The following VAV2 variants were observed in gnomAD, a reference collection of about 807,000 sequenced individuals.
VAV2 encodes the protein vav guanine nucleotide exchange factor 2, also known as guanine nucleotide exchange factor VAV2.
A neutral mutation model predicts 132.5 loss-of-function variants in VAV2; 67 were observed. That is an observed-to-expected ratio of 0.51 (90% CI 0.42 to 0.62). The LOEUF (loss-of-function observed/expected upper bound fraction) is 0.62, where lower values mean the gene tolerates loss of function less well. Among genes scored for constraint, VAV2 ranks in the 20% least tolerant of loss-of-function variants. The probability of loss-of-function intolerance (pLI) is 0.00; values close to 1 mark genes in which losing one functional copy is unlikely to be tolerated. For missense variants in VAV2, 938 were observed against 1,153.6 expected (o/e 0.81, Z 2.71); for synonymous variants, 492 against 443.5 (o/e 1.11, Z -1.37).
intron 9 of VAV2, among the ~76,000 whole-genome samples, chr9:133,798,346 G>A (rs1022234475): frequency 4.6e-5 from 7 of 152,104 alleles, no homozygotes; most frequent in Admixed American, 1.3e-4. Flanking sequence ...TGACAGCCCC[G>A]TCTTCAGGGA....
chr9:133,767,691 C>T (rs767554018), intron 29 of VAV2, among the ~76,000 whole-genome samples: 15 of 152,290 alleles, frequency 9.8e-5, no homozygotes, highest in South Asian at 2.1e-4. Flanking sequence ...AGAGCTGCTC[C>T]GGCCACTGGA....
chr9:133,791,860 T>A lies in VAV2; in HGVS notation c.1111A>T (p.Met371Leu), dbSNP rs1176170688. 6.2e-7 allele frequency: 1 copy of A among 1,604,626 alleles called. No individual in the cohort carries two copies. The highest frequency in any genetic ancestry group is 1.4e-5 in the African/African-American group (1 of 72,394). Reference protein sequence around the residue: ...EALEAMQDLAMYINEVKRDKE... With the variant: ...EALEAMQDLALYINEVKRDKE... ...TCCCGTTTAACTTCATTGATGTACA[T>A]CGCCAAGTCCTTGAAAACAAGAGGC... The change falls in exon 13 of 30, where the codon ATG becomes TTG. Residue 371 changes from methionine (M) to leucine (L), a missense_variant. Met to Leu is a conservative substitution (Grantham distance 15, BLOSUM62 2). Coordinates refer to ENST00000371850, the MANE Select transcript of VAV2 (RefSeq NM_001134398.2).
intron 2 of VAV2, among the ~76,000 whole-genome samples, chr9:133,871,409 G>T (rs1363444062): frequency 6.6e-6 from 1 of 151,026 alleles, no homozygotes; most frequent in Non-Finnish European, 1.5e-5. Flanking sequence ...CGGACGGATG[G>T]ATGGATGGAT....
rs189481886 is a variant in VAV2 at position 133,957,667 on chromosome 9, C to T, written c.205-18448G>A. Among the ~76,000 whole-genome samples the T allele has an allele frequency of 6.6e-5, 10 of 152,202 alleles. No individual in the cohort carries two copies. The East Asian group carries it at 1.6e-3, about 24-fold the overall frequency. On this transcript the variant is annotated intron_variant, in intron 1 of 29. Coordinates refer to ENST00000371850, the MANE Select transcript of VAV2 (RefSeq NM_001134398.2). ...TTGAGTTCCCTGCACCCGCTGTCAC[C>T]GTCACAGCTGGCCCCACCTCAGCCG...
chr9:133,862,941 C>G (rs929579871), intron 2 of VAV2, among the ~76,000 whole-genome samples: 1 of 152,194 alleles, frequency 6.6e-6, no homozygotes, highest in Non-Finnish European at 1.5e-5. Context: ...CCTTCCTGTA[C>G]GTGCTCGTGA....
intron 1 of VAV2, among the ~76,000 whole-genome samples, chr9:133,943,799 C>T (rs1279465549): frequency 6.6e-6 from 1 of 152,230 alleles, no homozygotes; most frequent in East Asian, 1.9e-4. Context: ...TGAGAGGCAG[C>T]GTGTAGTGTG....
intron 2 of VAV2, among the ~76,000 whole-genome samples, chr9:133,905,749 C>T (rs2132027098): frequency 6.6e-6 from 1 of 152,066 alleles, no homozygotes; most frequent in South Asian, 2.1e-4. Context: ...GATGAGGCTC[C>T]TATAGCTGGG....
At position 133,766,079 on chromosome 9, in the gene VAV2, T is replaced by C. The variant is rs373290243; in HGVS notation, c.2590-1970A>G. On this transcript the variant is annotated intron_variant, in intron 29 of 29. Transcript: ENST00000371850. ...TAAAAAATATGAAAGAGAAGGGATG[T>C]CAGGCAGCAGGAAATGGTGTTGGGT... is the stretch of plus-strand genomic sequence containing the variant. Among the ~76,000 whole-genome samples the C allele has an allele frequency of 3.9e-5, 6 of 152,248 alleles. No homozygotes were observed. In the East Asian group the frequency reaches 9.6e-4, roughly 24 times the overall value.
chr9:133,776,972 G>C (rs1833838165), intron 23 of VAV2, among the ~76,000 whole-genome samples: 1 of 152,192 alleles, frequency 6.6e-6, no homozygotes, highest in Admixed American at 6.5e-5. Flanking sequence ...TATTGCCTCT[G>C]TTTTAAATAG....
chr9:133,992,162 G>A lies in VAV2; in HGVS notation c.117C>T (p.Asp39=). The A allele has an allele frequency of 6.3e-7, 1 of 1,599,094 alleles. No homozygotes were observed. The highest frequency in any genetic ancestry group is 8.5e-7 in the Non-Finnish European group (1 of 1,173,122). The part of the protein sequence containing the change: ...VVFDLAQALR[D]GVLLCQLLHN... ...GCAGCAGCTGGCACAGAAGGACCCC[G>A]TCGCGCAGCGCCTGCGCCAGGTCGA... The change falls in exon 1 of 30, where the codon GAC becomes GAT. Residue 39 remains aspartate, a synonymous_variant. Transcript: ENST00000371850. This position sits in a 1 kb window ranked among gnomAD's most constrained non-coding sequence, Gnocchi z 5.5.
At position 133,771,678 on chromosome 9, in the gene VAV2, G is replaced by T. The variant is rs539055310; in HGVS notation, c.2223+281C>A. The stretch of plus-strand genomic sequence containing the variant: ...TCTCGCAGGAGGATGGGCATGAGAG[G>T]AATCTGGGGCTGCTGGTGGCCTGGG... On this transcript the variant is annotated intron_variant, in intron 26 of 29. Coordinates refer to ENST00000371850, the MANE Select transcript of VAV2 (RefSeq NM_001134398.2). Among the ~76,000 whole-genome samples the T allele has an allele frequency of 2.0e-5, 3 of 152,310 alleles. No homozygotes were observed. The South Asian group carries it at 6.2e-4, about 32-fold the overall frequency.
intron 1 of VAV2, among the ~76,000 whole-genome samples, chr9:133,967,935 A>AC (rs1211720750): frequency 4.2e-5 from 2 of 47,544 alleles, no homozygotes; most frequent in Non-Finnish European, 1.1e-4. Context: ...TCTATAACCA[A>AC]AAAAAAAAAA....
At chr9:133,978,421 G>C (rs1369318908) in intron 1 of VAV2, among the ~76,000 whole-genome samples, 6 of 152,252 alleles carry the variant, frequency 3.9e-5, no homozygotes, top group Non-Finnish European at 7.3e-5. Context: ...GAGGCCTTGA[G>C]GAAACTTGGA....
chr9:133,834,437 G>C lies in VAV2; in HGVS notation c.381-97C>G. 2.3e-6 allele frequency: 3 copies of C among 1,289,860 alleles called. No individual in the cohort carries two copies. Among genetic ancestry groups the C allele is most frequent in the Non-Finnish European group, 3.3e-6 (3 of 921,972 alleles). 79.9% of individuals were successfully genotyped at this position (1,289,860 alleles called of 1,614,324 possible). A position where few individuals can be genotyped will look rare whatever the true frequency, so the allele number is the denominator to read the frequency against. On this transcript the variant is annotated intron_variant, in intron 3 of 29. Transcript: ENST00000371850. This position sits in a 1 kb window ranked among gnomAD's most constrained non-coding sequence, Gnocchi z 5.9. ...CCACAGCAGAGCCCAGTGTGGCCCA[G>C]CCAGGAGCAAAGGGGCTCTTGTCCA...
At chr9:133,805,921 G>A (rs538490655) in intron 9 of VAV2, among the ~76,000 whole-genome samples, 160 bp downstream of exon 9, 3 of 152,254 alleles carry the variant, frequency 2.0e-5, no homozygotes, top group African/African-American at 7.2e-5. Context: ...GCTGCGGCTC[G>A]GGGTGGGTGG....
intron 18 of VAV2, 27 bp from the exon 19 acceptor site, chr9:133,783,618 G>A: frequency 1.2e-6 from 2 of 1,611,880 alleles, no homozygotes. Flanking sequence ...AGGAGGTGAG[G>A]TCGAGGCTGG....
At chr9:133,950,889 C>T (rs1385887593) in intron 1 of VAV2, among the ~76,000 whole-genome samples, 1 of 152,130 alleles carries the variant, frequency 6.6e-6, no homozygotes, top group Non-Finnish European at 1.5e-5. Context: ...CTCTGGAGCG[C>T]CCTATCTCCA....
At chr9:133,877,622 G>A (rs534668945) in intron 2 of VAV2, among the ~76,000 whole-genome samples, 1 of 152,210 alleles carries the variant, frequency 6.6e-6, no homozygotes, top group Admixed American at 6.5e-5. Context: ...CACCCAGAAG[G>A]AAAGGCCTCA....
intron 9 of VAV2, among the ~76,000 whole-genome samples, chr9:133,798,345 C>T (rs770378326): frequency 5.9e-5 from 9 of 152,158 alleles, no homozygotes; most frequent in Admixed American, 6.5e-5. Context: ...GTGACAGCCC[C>T]GTCTTCAGGG....
Sources: allele counts gnomAD v4.1 joint callset (sites outside exome capture counted in the v4.1 genomes callset), GRCh38; gene constraint gnomAD v4.1.1; non-coding constraint Gnocchi (gnomAD v3.1); transcripts MANE v1.5; gene names NCBI Gene and HGNC (gene_info 2026-07-23, HGNC 2026-07-21).